Variants in DHX32 observed in about 807,000 individuals in gnomAD.
DHX32 encodes the protein DEAH-box helicase 32 (putative), also known as putative pre-mRNA-splicing factor ATP-dependent RNA helicase DHX32.
A neutral mutation model predicts 70.0 loss-of-function variants in DHX32; 51 were observed. That is an observed-to-expected ratio of 0.73 (90% CI 0.58 to 0.92). DHX32 has a LOEUF of 0.92. DHX32 is among the 40% of genes least tolerant of loss of function. The pLI is 0.00. For missense variants in DHX32, 762 were observed against 891.8 expected, an observed-to-expected ratio of 0.85 and a Z score of 1.85; for synonymous variants, 310 against 315.3, an observed-to-expected ratio of 0.98 and a Z score of 0.18.
At chr10:125,853,323 A>G (rs756925086) in intron 4 of DHX32, 14 of 792,496 alleles carry the variant, frequency 1.8e-5, no homozygotes, top group Non-Finnish European at 2.6e-5. Context: ...AAATTAGTCA[A>G]TATTTGTTAG....
chr10:125,839,211 C>G (rs757326056), intron 8 of DHX32, 23 bp from the exon 9 acceptor site: 12 of 1,608,260 alleles, frequency 7.5e-6, no homozygotes, highest in Non-Finnish European at 1.0e-5. Flanking sequence ...GAACACAAGG[C>G]TATTTAGAAA....
chr10:125,873,184 A>G (rs1944265771), intron 1 of DHX32, among the ~76,000 whole-genome samples: 1 of 152,022 alleles, frequency 6.6e-6, no homozygotes, highest in African/African-American at 2.4e-5. Context: ...TGGCAAGAGG[A>G]CCTCCACATG....
At chr10:125,854,233 A>G in intron 3 of DHX32, 30 bp from the exon 4 acceptor site, 1 of 1,554,414 alleles carries the variant, frequency 6.4e-7, no homozygotes, top group Non-Finnish European at 8.6e-7. Context: ...TGAAAATAAA[A>G]TACAATGCAA....
Position 125,888,060 on chromosome 10 carries a change from T to C in DHX32, c.-247-6989A>G, listed in dbSNP as rs544930186. On this transcript the variant is annotated intron_variant, in intron 1 of 2. Transcript: ENST00000415732. ...ATTAGTCTGCAAAAATAAATCTGTC[T>C]CATGATCTGACTCATAGTTTGTAAA... Among the ~76,000 whole-genome samples, 101 of 152,306 alleles carry C rather than the reference T, an allele frequency of 6.6e-4. 1 individual carries two copies. The highest frequency in any genetic ancestry group is 5.0e-3 in the South Asian group (24 of 4,818).
intron 1 of DHX32, among the ~76,000 whole-genome samples, chr10:125,895,615 T>C (rs1944465915): frequency 6.6e-6 from 1 of 152,278 alleles, no homozygotes; most frequent in South Asian, 2.1e-4. Flanking sequence ...TTAAAACCAG[T>C]ATGAAAGACT....
chr10:125,879,889 C>T (rs2134072833), intron 1 of DHX32, among the ~76,000 whole-genome samples: 1 of 152,312 alleles, frequency 6.6e-6, no homozygotes, highest in African/African-American at 2.4e-5. Flanking sequence ...AATGATCTGT[C>T]CACCTTGGTC....
At chr10:125,895,745 A>G (rs1944473725) in intron 1 of DHX32, among the ~76,000 whole-genome samples, 2 of 152,276 alleles carry the variant, frequency 1.3e-5, no homozygotes, top group Non-Finnish European at 2.9e-5. Flanking sequence ...ACACACAAAA[A>G]ACGAAGCCAG....
chr10:125,878,574 C>T (rs1374425768), intron 1 of DHX32, among the ~76,000 whole-genome samples: 6 of 152,186 alleles, frequency 3.9e-5, no homozygotes, highest in Non-Finnish European at 7.3e-5. Context: ...TATTAATACA[C>T]TTCTGTTTTT....
chr10:125,861,579 G>A (rs1944189219), intron 2 of DHX32, among the ~76,000 whole-genome samples: 1 of 152,290 alleles, frequency 6.6e-6, no homozygotes, highest in East Asian at 1.9e-4. Flanking sequence ...TGGGAGTCTG[G>A]AATTTTGAAA....
chr10:125,873,879 A>C (rs1944269436), intron 1 of DHX32, among the ~76,000 whole-genome samples: 1 of 152,230 alleles, frequency 6.6e-6, no homozygotes, highest in Admixed American at 6.5e-5. Context: ...AGTCAATAGA[A>C]GTACAGATGT....
At chr10:125,838,410 A>G in intron 9 of DHX32, 23 bp from the exon 10 acceptor site, 1 of 1,545,048 alleles carries the variant, frequency 6.5e-7, no homozygotes, top group Non-Finnish European at 8.7e-7. Flanking sequence ...ATTTTAAAGA[A>G]AAAAGATTTT....
In DHX32 at chr10:125,866,578, C is replaced by G. The variant is rs1323710134; in HGVS notation, c.476+412G>C. 6.6e-6 allele frequency among the ~76,000 whole-genome samples: 1 copy of G among 152,172 alleles called. No individual in the cohort carries two copies. Among genetic ancestry groups the G allele is most frequent in the Non-Finnish European group, 1.5e-5 (1 of 68,022 alleles). On this transcript the variant is annotated intron_variant, in intron 2 of 10. Transcript: ENST00000284690. The surrounding 1 kb of genome is among the most constrained non-coding windows in gnomAD (Gnocchi z 4.8). ...ATACTGAGTGACTAGGAGGAACTAG[C>G]CGGGCCCGGACATGCTGAGCACAGG...
chr10:125,888,451 G>A lies in DHX32; in HGVS notation c.-247-7380C>T, dbSNP rs150173283. ...GTGAATTTTTTTGAGAAGAAATTGT[G>A]CTCATTTTAACCAAAACTTTATAAA... On this transcript the variant is annotated intron_variant, in intron 1 of 2. Transcript: ENST00000415732. 1.2e-4 allele frequency among the ~76,000 whole-genome samples: 18 copies of A among 152,010 alleles called. 1 individual carries two copies. The highest frequency in any genetic ancestry group is 2.1e-4 in the Non-Finnish European group (14 of 67,986).
chr10:125,889,627 C>T (rs1265567537), intron 1 of DHX32, among the ~76,000 whole-genome samples: 1 of 152,282 alleles, frequency 6.6e-6, no homozygotes, highest in African/African-American at 2.4e-5. Flanking sequence ...TACATTCTGG[C>T]ACAAGCTCCG....
intron 6 of DHX32, among the ~76,000 whole-genome samples, chr10:125,845,818 C>A (rs1458078252): frequency 1.3e-5 from 2 of 152,250 alleles, no homozygotes; most frequent in African/African-American, 4.8e-5. Context: ...CCAGTGCCAC[C>A]CGCACCGTGA....
At chr10:125,894,838 G>T (rs77613174) in intron 1 of DHX32, among the ~76,000 whole-genome samples, 1 of 151,742 alleles carries the variant, frequency 6.6e-6, no homozygotes, top group African/African-American at 2.4e-5. Flanking sequence ...TGAAAAGACC[G>T]CTTTGTGATT....
intron 1 of DHX32, among the ~76,000 whole-genome samples, chr10:125,892,080 C>T (rs2134084683): frequency 6.6e-6 from 1 of 152,318 alleles, no homozygotes. Flanking sequence ...AAACTGAACA[C>T]ATCTACCCCA....
chr10:125,842,217 T>C (rs1854901771), intron 6 of DHX32: 2 of 361,712 alleles, frequency 5.5e-6, no homozygotes, highest in Admixed American at 5.0e-5. Flanking sequence ...CTCCCTGCAG[T>C]AGGAAAACAA....
intron 6 of DHX32, among the ~76,000 whole-genome samples, chr10:125,851,836 A>ACTTGAGC (rs1231931767): frequency 6.7e-6 from 1 of 150,046 alleles, no homozygotes. Context: ...TGGGAGGATC[A>ACTTGAGC]CTTGAGCCTG....
Sources: gnomAD v4.1 joint callset for allele counts (sites outside exome capture counted in the v4.1 genomes callset) on GRCh38, gnomAD v4.1.1 for gene constraint, Gnocchi (gnomAD v3.1) non-coding constraint, MANE v1.5 for transcripts, NCBI Gene and HGNC (gene_info 2026-07-23, HGNC 2026-07-21) for gene names.